TUBD1: variants seen among roughly 807,000 people sequenced by gnomAD.
The protein encoded by TUBD1 is tubulin delta chain.
TUBD1 carries 38 observed loss-of-function variants against 51.2 expected under a neutral mutation model. The ratio of observed to expected loss-of-function variants is 0.74; its 90% CI spans 0.57 to 0.97. The LOEUF (loss-of-function observed/expected upper bound fraction) is 0.97. TUBD1 is among the 50% of genes least tolerant of loss of function. The pLI, the probability that TUBD1 is intolerant of heterozygous loss-of-function variation, is 0.00. For missense variants in TUBD1, 489 were observed against 538.4 expected, an observed-to-expected ratio of 0.91 and a Z score of 0.91; for synonymous variants, 169 against 178.2, an observed-to-expected ratio of 0.95 and a Z score of 0.41.
At position 59,887,018 on chromosome 17, in the gene TUBD1, C is replaced by G. The variant is rs142485587; in HGVS notation, c.173-788G>C. ...TGGCCAACATGGTGAAAACCCATCT[C>G]TACTAAAAATACAAAAAATTAGCTG... On this transcript the variant is annotated intron_variant, in intron 2 of 8. Coordinates refer to ENST00000325752, the MANE Select transcript of TUBD1 (RefSeq NM_016261.4). Among the ~76,000 whole-genome samples, 22 of 152,052 alleles carry G rather than the reference C, an allele frequency of 1.4e-4. No homozygotes were observed. The East Asian group carries it at 2.5e-3, about 17-fold the overall frequency.
At chr17:59,882,834 G>A (rs1372591199) in intron 3 of TUBD1, among the ~76,000 whole-genome samples, 1 of 151,934 alleles carries the variant, frequency 6.6e-6, no homozygotes, top group African/African-American at 2.4e-5. Flanking sequence ...GTCCAGGCTG[G>A]AGTGCTGTGG....
chr17:59,867,065 G>A (rs2039740082), intron 6 of TUBD1, among the ~76,000 whole-genome samples: 1 of 152,156 alleles, frequency 6.6e-6, no homozygotes, highest in South Asian at 2.1e-4. Flanking sequence ...AAAATGCTGG[G>A]ATTACAGGCG....
In TUBD1 at chr17:59,890,849, T is replaced by G; in HGVS notation, c.154A>C (p.Ser52Arg). ...CACCTACCTCCATTCTCCTCCTCAC[T>G]GAAGAATCTTTCTTTGCAAGATGCT... ...YQASCKERFFSEEENGVPIAR... is the reference protein window; with the variant it reads ...YQASCKERFFREEENGVPIAR... Residue 52 changes from serine to arginine, a missense_variant, in exon 2 of 9, where the codon AGT becomes CGT. Ser to Arg is a moderately radical substitution (Grantham distance 110). Coordinates refer to ENST00000325752, the MANE Select transcript of TUBD1 (RefSeq NM_016261.4). The G allele has an allele frequency of 6.2e-7, 1 of 1,613,024 alleles. No individual in the cohort carries two copies. Among genetic ancestry groups the G allele is most frequent in the Non-Finnish European group, 8.5e-7 (1 of 1,179,474 alleles).
At position 59,863,856 on chromosome 17, in the gene TUBD1, A is replaced by G; in HGVS notation, c.1076-9T>C. ...TGGATCTTTAAATCCCTCTAGAGTA[A>G]AAACAAGATAAGCCGTCTTTTTATA... On this transcript the variant is annotated splice_polypyrimidine_tract_variant and intron_variant, in intron 7 of 8. Coordinates refer to ENST00000325752, the MANE Select transcript of TUBD1 (RefSeq NM_016261.4). The G allele has an allele frequency of 2.0e-6, 3 of 1,481,546 alleles. No homozygotes were observed. The highest frequency in any genetic ancestry group is 2.7e-6 in the Non-Finnish European group (3 of 1,114,970). The allele number at this position is 1,481,546 out of a possible 1,614,324, so 91.8% of individuals were successfully genotyped here.
At chr17:59,863,882 G>A in intron 7 of TUBD1, 35 bp from the exon 8 acceptor site, 1 of 1,369,294 alleles carries the variant, frequency 7.3e-7, no homozygotes, top group Non-Finnish European at 9.6e-7. Context: ...TCTTTTTATA[G>A]CATAAATTAG....
At chr17:59,873,790 G>A (rs1422363859) in intron 6 of TUBD1, among the ~76,000 whole-genome samples, 1 of 152,084 alleles carries the variant, frequency 6.6e-6, no homozygotes, top group Non-Finnish European at 1.5e-5. Context: ...GCTTGAATCC[G>A]GGAGGCAGAG....
chr17:59,892,886 C>T lies in TUBD1; in HGVS notation c.-229G>A. 1 of 376,168 alleles carries T rather than the reference C, an allele frequency of 2.7e-6. No homozygotes were observed. Among genetic ancestry groups the T allele is most frequent in the Non-Finnish European group, 4.9e-6 (1 of 203,576 alleles). 23.3% of individuals were successfully genotyped at this position (376,168 alleles called of 1,614,324 possible). On this transcript the variant is annotated 5_prime_UTR_variant, in exon 1 of 9. Coordinates refer to ENST00000325752, the MANE Select transcript of TUBD1 (RefSeq NM_016261.4). ...ATTACGCATGTTCAATTTCAATTTA[C>T]GAACTTCAGATATGGTACGCATGCT...
chr17:59,881,681 A>ATT (rs11396211), intron 3 of TUBD1, among the ~76,000 whole-genome samples: 35 of 150,870 alleles, frequency 2.3e-4, no homozygotes, highest in African/African-American at 6.3e-4. Context: ...TCTTTAAGCT[A>ATT]TTTTCTTTTT....
Position 59,860,170 on chromosome 17 carries a change from C to T in TUBD1, c.*152G>A, listed in dbSNP as rs3180182. 57,639 of 553,276 alleles carry T rather than the reference C, an allele frequency of 0.1. 3,687 individuals are homozygous for T. Among genetic ancestry groups the T allele is most frequent in the African/African-American group, 0.21 (10,599 of 51,368 alleles). 34.3% of individuals were successfully genotyped at this position (553,276 alleles called of 1,614,324 possible). On this transcript the variant is annotated 3_prime_UTR_variant, in exon 9 of 9. Transcript: ENST00000325752. ...AGCTGGGACTACAGGCACCCGCCAC[C>T]GCGCCTGGCTAATTTTTTGTATTTT...
chr17:59,881,831 G>A (rs1050139650), intron 3 of TUBD1, among the ~76,000 whole-genome samples: 12 of 152,010 alleles, frequency 7.9e-5, no homozygotes, highest in Admixed American at 3.9e-4. Flanking sequence ...ACCACACCAG[G>A]CTAATTTTTG....
intron 3 of TUBD1, chr17:59,884,787 G>A (rs1598567198): frequency 6.4e-6 from 1 of 156,106 alleles, no homozygotes; most frequent in East Asian, 1.9e-4. Flanking sequence ...GCTGGGCATA[G>A]TGGTGCACAC....
chr17:59,886,280 AT>A, intron 2 of TUBD1, 50 bp from the exon 3 acceptor site: 2 of 1,543,544 alleles, frequency 1.3e-6, no homozygotes, highest in Non-Finnish European at 1.8e-6. Flanking sequence ...AAGATTTATT[AT>A]GTCTTATTTG....
chr17:59,868,205 A>G (rs1598511884), intron 6 of TUBD1, among the ~76,000 whole-genome samples: 1 of 143,204 alleles, frequency 7.0e-6, no homozygotes, highest in South Asian at 2.2e-4. Context: ...AATCGTTTGA[A>G]CCCAGGAGGC....
intron 7 of TUBD1, 115 bp downstream of exon 7, chr17:59,866,494 A>C (rs1367007234): frequency 2.7e-5 from 37 of 1,373,546 alleles, no homozygotes; most frequent in Non-Finnish European, 3.6e-5. Flanking sequence ...CCACTAAAAC[A>C]CACAGTTATT....
chr17:59,886,307 C>T, intron 2 of TUBD1, 77 bp from the exon 3 acceptor site: 1 of 1,262,498 alleles, frequency 7.9e-7, no homozygotes, highest in Non-Finnish European at 1.1e-6. Flanking sequence ...CTCAGAGCAT[C>T]TAAGTGTCCA....
chr17:59,883,475 C>G (rs749869768), intron 3 of TUBD1, among the ~76,000 whole-genome samples: 1 of 152,106 alleles, frequency 6.6e-6, no homozygotes, highest in Non-Finnish European at 1.5e-5. Context: ...ACCATGTTGG[C>G]CAGGCTGGTC....
intron 6 of TUBD1, among the ~76,000 whole-genome samples, chr17:59,868,209 A>G (rs2039802321): frequency 7.0e-6 from 1 of 143,344 alleles, no homozygotes. Context: ...GTTTGAACCC[A>G]GGAGGCAGAG....
At chr17:59,892,546 G>A (rs1160372679) in intron 1 of TUBD1, among the ~76,000 whole-genome samples, 151 bp downstream of exon 1, 1 of 152,130 alleles carries the variant, frequency 6.6e-6, no homozygotes, top group Non-Finnish European at 1.5e-5. Flanking sequence ...GGCAAAGTAG[G>A]TTTATTATTA....
intron 5 of TUBD1, among the ~76,000 whole-genome samples, chr17:59,877,648 G>A (rs994530043): frequency 6.6e-6 from 1 of 152,002 alleles, no homozygotes; most frequent in African/African-American, 2.4e-5. Context: ...CGTGCCTATA[G>A]TGTAGTGTAG....
Sources: gnomAD v4.1 joint callset for allele counts (sites outside exome capture counted in the v4.1 genomes callset) on GRCh38, gnomAD v4.1.1 for gene constraint, MANE v1.5 for transcripts, NCBI Gene and HGNC (gene_info 2026-07-23, HGNC 2026-07-21) for gene names.